The following PLA2G6 variants were observed in gnomAD, a reference collection of about 807,000 sequenced individuals.
PLA2G6 encodes 85/88 kDa calcium-independent phospholipase A2.
PLA2G6 carries 62 observed loss-of-function variants against 83.8 expected under a neutral mutation model. That is an observed-to-expected ratio of 0.74 (90% CI 0.60 to 0.91). The LOEUF (loss-of-function observed/expected upper bound fraction) is 0.91. PLA2G6 is among the 40% of genes least tolerant of loss of function. The pLI is 0.00. For synonymous variants in PLA2G6, 417 were observed against 449.8 expected (o/e 0.93, Z 0.92); for missense variants, 944 against 1,102.0 (o/e 0.86, Z 2.03).
intron 2 of PLA2G6, among the ~76,000 whole-genome samples, chr22:38,157,135 A>G (rs2089814528): frequency 6.6e-6 from 1 of 152,178 alleles, no homozygotes; most frequent in Non-Finnish European, 1.5e-5. Context: ...GCAGAAATAA[A>G]TGAAATTGAA....
At chr22:38,163,789 A>G (rs1602249820) in intron 2 of PLA2G6, 1 of 164,508 alleles carries the variant, frequency 6.1e-6, no homozygotes, top group Non-Finnish European at 1.5e-5. Flanking sequence ...TCTCGCAGAG[A>G]CCTGCCGCTT....
intron 1 of PLA2G6, among the ~76,000 whole-genome samples, chr22:38,175,279 G>A (rs2090590189): frequency 6.6e-6 from 1 of 152,136 alleles, no homozygotes; most frequent in South Asian, 2.1e-4. Context: ...GCACCAGAGT[G>A]CCCTTCCAGC....
rs781199084 is a variant in PLA2G6, at chr22:38,143,265, T to C, written c.449A>G (p.Glu150Gly). The C allele has an allele frequency of 1.9e-6, 3 of 1,613,180 alleles. No homozygotes were observed. In the African/African-American group the frequency reaches 4.0e-5, roughly 22 times the overall value. Residue 150 changes from glutamate to glycine, a missense_variant, in exon 4 of 17, where the codon GAG becomes GGG. Coordinates refer to ENST00000332509, the MANE Select transcript of PLA2G6 (RefSeq NM_003560.4). Reference sequence around the variant, plus strand: ...CAGGTGCAGGGGTGTGCAGCCCTCCTCGTTCTCCGCGCAATTGGCACAGCT... The same window carrying C: ...CAGGTGCAGGGGTGTGCAGCCCTCCCCGTTCTCCGCGCAATTGGCACAGCT... The part of the protein sequence containing the change: ...IISCANCAEN[E>G]EGCTPLHLAC...
chr22:38,172,515 C>A (rs1274071432), intron 1 of PLA2G6, among the ~76,000 whole-genome samples: 1 of 152,216 alleles, frequency 6.6e-6, no homozygotes. Flanking sequence ...GGTTTATGGG[C>A]TTTTGTTTTT....
chr22:38,137,968 G>C (rs760638353), intron 5 of PLA2G6: 1 of 152,338 alleles, frequency 6.6e-6, no homozygotes, highest in Non-Finnish European at 1.5e-5. Context: ...CTGCCAAGTC[G>C]ATAAGGGATC....
chr22:38,173,907 C>G (rs2090530510), intron 1 of PLA2G6, among the ~76,000 whole-genome samples: 1 of 152,020 alleles, frequency 6.6e-6, no homozygotes, highest in African/African-American at 2.4e-5. Context: ...ATAAAATTAG[C>G]TGGGCATGGT....
chr22:38,146,349 AT>A (rs34566636), intron 2 of PLA2G6: 50,899 of 151,440 alleles, frequency 0.34, 8,732 homozygotes, highest in South Asian at 0.42. Flanking sequence ...GCCTGGCCTA[AT>A]TTTTTTTTAT....
chr22:38,154,714 G>A (rs1393072721), intron 2 of PLA2G6, among the ~76,000 whole-genome samples: 8 of 152,146 alleles, frequency 5.3e-5, no homozygotes, highest in African/African-American at 7.2e-5. Flanking sequence ...AGACACTGAC[G>A]AACATCACAA....
At position 38,161,925 on chromosome 22, in the gene PLA2G6, C is replaced by A. The variant is rs189365747; in HGVS notation, c.209+7293G>T. Among the ~76,000 whole-genome samples, 4 of 152,174 alleles carry A rather than the reference C, an allele frequency of 2.6e-5. No individual in the cohort carries two copies. In the East Asian group the frequency reaches 7.7e-4, roughly 29 times the overall value. On this transcript the variant is annotated intron_variant, in intron 2 of 16. Coordinates refer to ENST00000332509, the MANE Select transcript of PLA2G6 (RefSeq NM_003560.4). ...TGATTTCAAAGTGAGAGCAATAGGG[C>A]CGGGCAGGGTGGTTCATGCCTGTAA...
At chr22:38,143,002 A>T in intron 4 of PLA2G6, 103 bp downstream of exon 4, 3 of 1,046,404 alleles carry the variant, frequency 2.9e-6, no homozygotes, top group South Asian at 1.3e-5. Flanking sequence ...CCAATGGGGG[A>T]CAGTGAGAGG....
chr22:38,158,015 A>C (rs1025387957), intron 2 of PLA2G6, among the ~76,000 whole-genome samples: 5 of 151,674 alleles, frequency 3.3e-5, no homozygotes, highest in Admixed American at 6.6e-5. Flanking sequence ...CAGCCTGGGC[A>C]ACAGAGCGAC....
chr22:38,124,965 C>T (rs538369046), intron 10 of PLA2G6, among the ~76,000 whole-genome samples: 9 of 152,154 alleles, frequency 5.9e-5, no homozygotes, highest in African/African-American at 1.7e-4. Context: ...GGGGAGCTAC[C>T]GAGGGGTCTC....
intron 2 of PLA2G6, among the ~76,000 whole-genome samples, chr22:38,164,877 G>A (rs752586443): frequency 2.6e-5 from 4 of 152,114 alleles, no homozygotes; most frequent in Non-Finnish European, 5.9e-5. Context: ...TCCACAGACC[G>A]CAGGGTGTTG....
At chr22:38,169,128 A>G (rs562578106) in intron 2 of PLA2G6, 90 bp downstream of exon 2, 4 of 1,039,890 alleles carry the variant, frequency 3.8e-6, no homozygotes, top group Non-Finnish European at 5.9e-6. Flanking sequence ...ACAGAGACTC[A>G]AAGAAACTGC....
intron 12 of PLA2G6, among the ~76,000 whole-genome samples, chr22:38,116,851 C>CAAAAAAAAAAAAAAAAAAAAAAAAAAAA (rs57712042): frequency 5.3e-5 from 2 of 37,658 alleles, no homozygotes; most frequent in African/African-American, 8.7e-5. Flanking sequence ...AACTCCGTCT[C>CAAAAAAAAAAAAAAAAAAAAAAAAAAAA]AAAAAAAAAA....
Position 38,132,830 on chromosome 22 carries a change from C to A in PLA2G6, c.1077+1G>T. On this transcript the variant is annotated splice_donor_variant, in intron 7 of 16. Transcript: ENST00000332509. LOFTEE classifies it high-confidence loss of function. This position sits in a 1 kb window ranked among gnomAD's most constrained non-coding sequence, Gnocchi z 5.0. ...GGCAGGACACGCGGTCCTGGGCTCA[C>A]CGACATGGCCAGGTGCAGCGGGGTG... 1 of 1,544,830 alleles carries A rather than the reference C, an allele frequency of 6.5e-7. No homozygotes were observed. Among genetic ancestry groups the A allele is most frequent in the Non-Finnish European group, 8.7e-7 (1 of 1,147,154 alleles).
chr22:38,116,851 CAAA>C (rs57712042), intron 12 of PLA2G6, among the ~76,000 whole-genome samples: 1,089 of 37,502 alleles, frequency 0.029, 3 homozygotes, highest in African/African-American at 0.092. Flanking sequence ...AACTCCGTCT[CAAA>C]AAAAAAAAAA....
At chr22:38,130,164 C>T (rs150242225) in intron 7 of PLA2G6, 3 of 184,602 alleles carry the variant, frequency 1.6e-5, no homozygotes, top group African/African-American at 7.0e-5. Context: ...TGTCACCTTC[C>T]TCTTCTTGGG....
At chr22:38,173,615 G>A (rs1012414980) in intron 1 of PLA2G6, among the ~76,000 whole-genome samples, 1 of 152,156 alleles carries the variant, frequency 6.6e-6, no homozygotes, top group South Asian at 2.1e-4. Flanking sequence ...TTCATTGAGG[G>A]AAGACTGACA....
Sources: gnomAD v4.1 joint callset for allele counts (sites outside exome capture counted in the v4.1 genomes callset) on GRCh38, gnomAD v4.1.1 for gene constraint, Gnocchi (gnomAD v3.1) non-coding constraint, MANE v1.5 for transcripts, NCBI Gene and HGNC (gene_info 2026-07-23, HGNC 2026-07-21) for gene names.